Variants in RIPOR2 observed in about 807,000 individuals in gnomAD.
The protein encoded by RIPOR2 is rho family-interacting cell polarization regulator 2.
A neutral mutation model predicts 114.5 loss-of-function variants in RIPOR2; 39 were observed. The observed-to-expected ratio is 0.34, with a 90% CI of 0.26 to 0.44. The LOEUF (loss-of-function observed/expected upper bound fraction) is 0.44, where lower values mean the gene tolerates loss of function less well. RIPOR2 is among the 20% of genes least tolerant of loss of function. The pLI is 1.00. For missense variants in RIPOR2, 1,007 were observed against 1,255.1 expected, an observed-to-expected ratio of 0.80 and a Z score of 2.99; for synonymous variants, 445 against 484.4, an observed-to-expected ratio of 0.92 and a Z score of 1.07.
chr6:24,951,474 T>C (rs199741948), intron 1 of RIPOR2, among the ~76,000 whole-genome samples: 2 of 152,192 alleles, frequency 1.3e-5, no homozygotes, highest in South Asian at 4.1e-4. Context: ...AGATAAGACT[T>C]CCGTAAAAGG....
intron 1 of RIPOR2, among the ~76,000 whole-genome samples, chr6:25,004,986 T>TACAC (rs58120451): frequency 2.3e-4 from 33 of 146,532 alleles, no homozygotes; most frequent in African/African-American, 7.6e-4. Context: ...TCAAATAGGC[T>TACAC]ACACACACAC....
At chr6:24,827,012 T>G (rs1264284395) in intron 18 of RIPOR2, among the ~76,000 whole-genome samples, 2 of 152,106 alleles carry the variant, frequency 1.3e-5, no homozygotes, top group South Asian at 4.1e-4. Context: ...AGTAAATGAG[T>G]AGGCCTTCTT....
chr6:25,012,120 C>A (rs535684826), intron 1 of RIPOR2, among the ~76,000 whole-genome samples: 18 of 152,096 alleles, frequency 1.2e-4, no homozygotes, highest in African/African-American at 4.1e-4. Flanking sequence ...GGCTAATAAT[C>A]ACATGAAAAG....
chr6:24,984,619 C>T (rs538029946), intron 1 of RIPOR2, among the ~76,000 whole-genome samples: 3 of 146,676 alleles, frequency 2.0e-5, no homozygotes, highest in African/African-American at 7.6e-5. Context: ...AGTTGGAGAC[C>T]AGCCTGGACA....
chr6:24,825,129 A>C (rs2113663090), intron 19 of RIPOR2, 97 bp downstream of exon 19: 2 of 927,004 alleles, frequency 2.2e-6, no homozygotes, highest in East Asian at 2.6e-5. Context: ...TACGCAGAAA[A>C]ATTATTTTTA....
intron 1 of RIPOR2, among the ~76,000 whole-genome samples, chr6:24,918,564 T>C (rs576458781): frequency 6.6e-6 from 1 of 152,204 alleles, no homozygotes; most frequent in Non-Finnish European, 1.5e-5. Context: ...GGAGCTACTT[T>C]TAGGAGGAAT....
intron 13 of RIPOR2, among the ~76,000 whole-genome samples, chr6:24,841,928 T>C (rs1317646068): frequency 6.6e-6 from 1 of 152,090 alleles, no homozygotes; most frequent in Non-Finnish European, 1.5e-5. Flanking sequence ...AGGAAAACAG[T>C]CTTAGAAAGG....
At chr6:24,873,407 G>C (rs557191695) in intron 3 of RIPOR2, among the ~76,000 whole-genome samples, 1 of 152,308 alleles carries the variant, frequency 6.6e-6, no homozygotes, top group South Asian at 2.1e-4. Context: ...GTCCATCATT[G>C]TTTAAGTGAA....
intron 1 of RIPOR2, among the ~76,000 whole-genome samples, chr6:24,987,776 A>G (rs1774597749): frequency 6.6e-6 from 1 of 152,220 alleles, no homozygotes; most frequent in South Asian, 2.1e-4. Context: ...GATAAATCAG[A>G]AGACCTCAGA....
chr6:24,822,662 G>A lies in RIPOR2; in HGVS notation c.2868+2564C>T, dbSNP rs532724563. 4.5e-3 allele frequency among the ~76,000 whole-genome samples: 684 copies of A among 152,204 alleles called. 1 individual carries two copies. The highest frequency in any genetic ancestry group is 7.0e-3 in the Non-Finnish European group (477 of 68,012). ...GCCTCCCGAGTAGCTGGGACTACAG[G>A]TGCCCACCACCACGCCCAGCTAATT... is the stretch of plus-strand genomic sequence containing the variant. On this transcript the variant is annotated intron_variant, in intron 19 of 21. Transcript: ENST00000643898.
intron 17 of RIPOR2, 124 bp downstream of exon 17, chr6:24,830,385 A>G: frequency 1.4e-6 from 1 of 701,942 alleles, no homozygotes. Context: ...TTTTTCAGGG[A>G]TGGCCTTTTG....
At chr6:24,822,025 A>G (rs920045693) in intron 19 of RIPOR2, among the ~76,000 whole-genome samples, 13 of 152,224 alleles carry the variant, frequency 8.5e-5, no homozygotes, top group Admixed American at 6.5e-4. Flanking sequence ...CAGGAGTTCA[A>G]GGCTGTAGTG....
Position 25,022,532 on chromosome 6 carries a change from A to ATTTTTTTTTTTTTTTTTTTTT in RIPOR2, c.76+19298_76+19318dup, listed in dbSNP as rs10564019. ...ACATATAACTAATGTGGTACCTTCC[A>ATTTTTTTTTTTTTTTTTTTTT]TTTTTTTTTTTTTTTTTTTTTTTTT... is the stretch of plus-strand genomic sequence containing the variant. On this transcript the variant is annotated intron_variant, in intron 1 of 13. Transcript: ENST00000510784. 5.1e-4 allele frequency among the ~76,000 whole-genome samples: 21 copies of ATTTTTTTTTTTTTTTTTTTTT among 40,988 alleles called. 8 individuals carry two copies. Among genetic ancestry groups the ATTTTTTTTTTTTTTTTTTTTT allele is most frequent in the Non-Finnish European group, 8.2e-4 (17 of 20,702 alleles). The allele number at this position is 40,988 out of a possible 152,430, so 26.9% of individuals were successfully genotyped here.
At chr6:24,913,561 G>T (rs2747676) in intron 1 of RIPOR2, among the ~76,000 whole-genome samples, 53,834 of 151,908 alleles carry the variant, frequency 0.35, 9,695 homozygotes, top group South Asian at 0.44. Context: ...GACACACTGT[G>T]TATTGGATTG....
intron 1 of RIPOR2, among the ~76,000 whole-genome samples, chr6:24,988,755 T>TA (rs771670898): frequency 3.3e-5 from 5 of 152,192 alleles, no homozygotes; most frequent in Non-Finnish European, 5.9e-5. Context: ...ATGTTTATGT[T>TA]ACAATCATCC....
intron 1 of RIPOR2, among the ~76,000 whole-genome samples, chr6:25,039,829 C>T (rs76528078): frequency 0.053 from 8,105 of 152,250 alleles, 258 homozygotes; most frequent in Non-Finnish European, 0.068. Context: ...GAAACATGAT[C>T]AAGAAGGTAA....
chr6:25,006,582 T>C (rs1775570896), intron 1 of RIPOR2, among the ~76,000 whole-genome samples: 1 of 152,206 alleles, frequency 6.6e-6, no homozygotes, highest in African/African-American at 2.4e-5. Context: ...TCTCTGTTCT[T>C]TTTTTGAAGA....
intron 1 of RIPOR2, among the ~76,000 whole-genome samples, chr6:24,952,806 T>C (rs767214195): frequency 2.0e-5 from 3 of 152,242 alleles, no homozygotes; most frequent in Admixed American, 2.0e-4. Context: ...AAACAATGTA[T>C]GCTGTTTGCT....
chr6:25,019,406 C>A (rs765578807), intron 1 of RIPOR2, among the ~76,000 whole-genome samples: 3 of 152,080 alleles, frequency 2.0e-5, no homozygotes. Context: ...CATAAAGCAG[C>A]CTTTTCTATG....
Sources: allele counts gnomAD v4.1 joint callset (sites outside exome capture counted in the v4.1 genomes callset), GRCh38; gene constraint gnomAD v4.1.1; transcripts MANE v1.5; gene names NCBI Gene and HGNC (gene_info 2026-07-23, HGNC 2026-07-21).